The following PDE4DIP variants were observed in gnomAD, a reference collection of about 807,000 sequenced individuals.
PDE4DIP encodes the protein phosphodiesterase 4D interacting protein, also known as myomegalin.
A neutral mutation model predicts 221.4 loss-of-function variants in PDE4DIP; 59 were observed. That is an observed-to-expected ratio of 0.27 (90% CI 0.22 to 0.33). The LOEUF is 0.33. Ranked by LOEUF, PDE4DIP falls within the 10% of genes least tolerant of loss-of-function variation. PDE4DIP has a pLI of 1.00. For synonymous variants in PDE4DIP, 404 were observed against 815.9 expected, an observed-to-expected ratio of 0.50 and a Z score of 8.60; for missense variants, 1,036 against 2,154.2, an observed-to-expected ratio of 0.48 and a Z score of 10.28.
chr1:149,023,753 CATATATATGTA>C (rs2074045910), intron 37 of PDE4DIP, among the ~76,000 whole-genome samples: 1 of 105,384 alleles, frequency 9.5e-6, no homozygotes, highest in Non-Finnish European at 2.0e-5. Context: ...TATGTGTGCA[CATATATATGTA>C]CATGTATATG....
intron 17 of PDE4DIP, among the ~76,000 whole-genome samples, chr1:148,976,024 A>T (rs1230302597): frequency 6.6e-6 from 1 of 151,558 alleles, no homozygotes; most frequent in South Asian, 2.1e-4. Flanking sequence ...TACCAGTTTT[A>T]AAAATCCCCT....
intron 21 of PDE4DIP, among the ~76,000 whole-genome samples, 164 bp from the exon 25 acceptor site, chr1:148,991,721 G>A (rs2063107423): frequency 6.6e-6 from 1 of 152,150 alleles, no homozygotes. Context: ...GATACAAAAA[G>A]TTCTATTTTT....
chr1:148,938,561 G>A (rs1573846339), intron 5 of PDE4DIP: 2 of 152,240 alleles, frequency 1.3e-5, no homozygotes, highest in East Asian at 3.9e-4. Context: ...AACATACAAT[G>A]TTTTAGGGGT....
rs782560376 is a variant in PDE4DIP, at chr1:149,032,021, C to A, written c.*36C>A. 2.5e-6 allele frequency: 4 copies of A among 1,611,152 alleles called. No individual in the cohort carries two copies. In the South Asian group the frequency reaches 4.4e-5, roughly 18 times the overall value. On this transcript the variant is annotated 3_prime_UTR_variant, in exon 44 of 44. Transcript: ENST00000369354. Reference sequence around the variant, plus strand: ...CCAGGAACCATGCAAGAAGCGCAGCCACCAGAAGTCCTTAAAACAGCAGGA... The same window carrying A: ...CCAGGAACCATGCAAGAAGCGCAGCAACCAGAAGTCCTTAAAACAGCAGGA...
chr1:149,024,032 ACCT>A (rs1262989618), intron 37 of PDE4DIP, among the ~76,000 whole-genome samples: 3 of 150,728 alleles, frequency 2.0e-5, no homozygotes, highest in African/African-American at 4.9e-5. Flanking sequence ...CTACCAAAAG[ACCT>A]CCTCCTTCTC....
At chr1:148,918,658 C>CA (rs1573382408) in intron 1 of PDE4DIP, among the ~76,000 whole-genome samples, 1 of 137,974 alleles carries the variant, frequency 7.2e-6, no homozygotes, top group Non-Finnish European at 1.6e-5. Context: ...CACACACACA[C>CA]CCTAGCTGTG....
rs587624901 is a variant in PDE4DIP, at chr1:149,001,071, C to T, written c.3138-520C>T. On this transcript the variant is annotated intron_variant, in intron 23 of 43. Coordinates refer to ENST00000369354, the Ensembl canonical transcript of PDE4DIP. ...GCTCTCAAGAAGGTTATCTCTATCA[C>T]GTGAGCCAGACATAAAGCAAACAAT... Among the ~76,000 whole-genome samples, 11 of 152,284 alleles carry T rather than the reference C, an allele frequency of 7.2e-5. No individual in the cohort carries two copies. In the South Asian group the frequency reaches 8.3e-4, roughly 12 times the overall value.
chr1:148,939,686 A>G (rs2050098842), intron 5 of PDE4DIP: 1 of 152,208 alleles, frequency 6.6e-6, no homozygotes, highest in Non-Finnish European at 1.5e-5. Context: ...GGGACTCTTG[A>G]AAATATTTCG....
chr1:148,917,280 T>A (rs1218379167), intron 1 of PDE4DIP, among the ~76,000 whole-genome samples: 6 of 150,838 alleles, frequency 4.0e-5, no homozygotes, highest in Non-Finnish European at 8.9e-5. Flanking sequence ...TAATTGGAGA[T>A]CAGTGTGAAT....
intron 5 of PDE4DIP, chr1:148,951,987 G>C (rs2053445017): frequency 3.2e-6 from 3 of 931,960 alleles, no homozygotes; most frequent in Non-Finnish European, 3.9e-6. Flanking sequence ...GGCGGGAAGC[G>C]GGGGCGGCGC....
chr1:149,021,580 C>A (rs1747946), intron 37 of PDE4DIP: 2 of 153,174 alleles, frequency 1.3e-5, no homozygotes, highest in South Asian at 2.1e-4. Flanking sequence ...TTATTGCCCT[C>A]TCATGTAATT....
chr1:148,929,566 G>C (rs1220922136), intron 2 of PDE4DIP: 1 of 335,610 alleles, frequency 3.0e-6, no homozygotes, highest in Non-Finnish European at 5.6e-6. Flanking sequence ...TTTTAGTAGA[G>C]ACAAATGCAA....
chr1:149,017,055 A>C (rs1304074150), intron 33 of PDE4DIP, among the ~76,000 whole-genome samples: 1 of 151,888 alleles, frequency 6.6e-6, no homozygotes, highest in African/African-American at 2.4e-5. Flanking sequence ...TTTCAGGAAA[A>C]GACTGAGCCC....
chr1:149,005,154 C>T (rs782759855), exon 27 of PDE4DIP: 120 of 1,613,988 alleles, frequency 7.4e-5, no homozygotes, highest in African/African-American at 1.3e-4. Flanking sequence ...CCTCAAGAGC[C>T]GGGTCCGGTC....
upstream of PDE4DIP, among the ~76,000 whole-genome samples, chr1:148,884,848 C>G (rs1271377485): frequency 2.2e-4 from 32 of 147,682 alleles, no homozygotes; most frequent in African/African-American, 7.4e-4. Context: ...CCAGATTCTG[C>G]ATGGTGTATT....
At chr1:148,926,894 T>G (rs1308588302) in intron 1 of PDE4DIP, among the ~76,000 whole-genome samples, 2 of 143,108 alleles carry the variant, frequency 1.4e-5, no homozygotes, top group East Asian at 4.1e-4. Flanking sequence ...TGCCAGGCCA[T>G]GGAACTGATA....
intron 29 of PDE4DIP, 24 bp from the exon 33 acceptor site, chr1:149,009,544 C>T (rs1778154): frequency 6.6e-6 from 10 of 1,511,836 alleles, no homozygotes; most frequent in Middle Eastern, 1.8e-4. Context: ...TGGTTTTACC[C>T]GTTGTCCCCC....
intron 37 of PDE4DIP, among the ~76,000 whole-genome samples, chr1:149,023,872 C>A (rs1211170410): frequency 2.0e-5 from 3 of 150,582 alleles, no homozygotes; most frequent in African/African-American, 7.3e-5. Flanking sequence ...TATATACACA[C>A]AACATATATA....
chr1:148,915,296 C>T (rs1411329365), intron 1 of PDE4DIP, among the ~76,000 whole-genome samples: 2 of 152,378 alleles, frequency 1.3e-5, no homozygotes, highest in South Asian at 4.1e-4. Context: ...TACAGGCACA[C>T]ACCACCACAC....
Sources: gnomAD v4.1 joint callset for allele counts (sites outside exome capture counted in the v4.1 genomes callset) on GRCh38, gnomAD v4.1.1 for gene constraint, MANE v1.5 for transcripts, NCBI Gene and HGNC (gene_info 2026-07-23, HGNC 2026-07-21) for gene names.